The following FOXP2 variants were observed in gnomAD, a reference collection of about 807,000 sequenced individuals.
FOXP2 encodes the protein forkhead box P2.
In FOXP2, 12 loss-of-function variants were observed where a neutral mutation model predicts 115.8. The observed-to-expected ratio is 0.10, with a 90% CI of 0.07 to 0.17. FOXP2 has a LOEUF of 0.17. FOXP2 is among the 10% of genes least tolerant of loss of function. The pLI is 1.00. For missense variants in FOXP2, 629 were observed against 843.5 expected (o/e 0.75, Z 3.15); for synonymous variants, 328 against 297.7 (o/e 1.10, Z -1.05).
chr7:114,178,428 T>C (rs1182647461), intron 1 of FOXP2, among the ~76,000 whole-genome samples: 1 of 151,988 alleles, frequency 6.6e-6, no homozygotes, highest in African/African-American at 2.4e-5. Context: ...AAAGTTTATG[T>C]AATTAAATTA....
intron 3 of FOXP2, among the ~76,000 whole-genome samples, chr7:114,609,029 T>C (rs999993327): frequency 5.9e-5 from 9 of 151,650 alleles, no homozygotes; most frequent in African/African-American, 1.9e-4. Flanking sequence ...CGAAACCCCG[T>C]CTCTACTAAA....
chr7:114,149,200 G>A (rs1048081435), intron 1 of FOXP2, among the ~76,000 whole-genome samples: 6 of 151,944 alleles, frequency 3.9e-5, no homozygotes, highest in Non-Finnish European at 5.9e-5. Context: ...TGGAAAAAGT[G>A]TTCAATTTTT....
intron 2 of FOXP2, among the ~76,000 whole-genome samples, chr7:114,479,897 T>C (rs1796448829): frequency 6.6e-6 from 1 of 151,476 alleles, no homozygotes; most frequent in African/African-American, 2.4e-5. Flanking sequence ...AGTGCTTATT[T>C]TTCAGCCATT....
chr7:114,253,325 G>A (rs1391962733), intron 1 of FOXP2, among the ~76,000 whole-genome samples: 1 of 152,098 alleles, frequency 6.6e-6, no homozygotes, highest in Non-Finnish European at 1.5e-5. Flanking sequence ...GTGCAGAGCT[G>A]AGTTCAATTC....
intron 2 of FOXP2, among the ~76,000 whole-genome samples, chr7:114,497,404 T>C (rs1373544936): frequency 2.0e-5 from 3 of 152,166 alleles, no homozygotes; most frequent in African/African-American, 7.2e-5. Flanking sequence ...TCTGAGCACT[T>C]TGAGAGGCCG....
intron 16 of FOXP2, among the ~76,000 whole-genome samples, chr7:114,683,408 A>AGT (rs1467955875): frequency 2.6e-5 from 4 of 152,176 alleles, no homozygotes; most frequent in Non-Finnish European, 5.9e-5. Flanking sequence ...TCTAGAGGCC[A>AGT]GTGTGTGTGT....
At chr7:114,356,796 G>A (rs1462320426) in intron 2 of FOXP2, among the ~76,000 whole-genome samples, 1 of 152,150 alleles carries the variant, frequency 6.6e-6, no homozygotes, top group Admixed American at 6.6e-5. Context: ...GGCTTTTGTA[G>A]ATGTAGATAT....
intron 6 of FOXP2, among the ~76,000 whole-genome samples, chr7:114,638,059 C>A (rs983684238): frequency 2.0e-5 from 3 of 151,954 alleles, no homozygotes; most frequent in African/African-American, 7.3e-5. Context: ...AGGGAGGGGG[C>A]TGTATAAACA....
chr7:114,217,643 A>T (rs570856782), intron 1 of FOXP2, among the ~76,000 whole-genome samples: 15 of 152,330 alleles, frequency 9.8e-5, no homozygotes, highest in Admixed American at 9.8e-4. Flanking sequence ...ATCTGGTGTA[A>T]CTGTACCATA....
chr7:114,289,395 G>T (rs903930693), intron 2 of FOXP2, among the ~76,000 whole-genome samples: 3 of 151,870 alleles, frequency 2.0e-5, no homozygotes, highest in African/African-American at 7.2e-5. Context: ...AACAATTAGA[G>T]ATAGAACACA....
At chr7:114,290,266 C>T (rs1233410385) in intron 2 of FOXP2, among the ~76,000 whole-genome samples, 1 of 151,806 alleles carries the variant, frequency 6.6e-6, no homozygotes, top group East Asian at 1.9e-4. Flanking sequence ...AAATAACCTG[C>T]CCTACATAAT....
chr7:114,639,899 C>A (rs193263495), intron 6 of FOXP2, among the ~76,000 whole-genome samples: 2 of 152,124 alleles, frequency 1.3e-5, no homozygotes, highest in Admixed American at 1.3e-4. Flanking sequence ...TAAGTATTCT[C>A]GAAAGCCTTT....
At chr7:114,473,061 A>G (rs988897187) in intron 2 of FOXP2, among the ~76,000 whole-genome samples, 4 of 152,200 alleles carry the variant, frequency 2.6e-5, no homozygotes, top group Non-Finnish European at 4.4e-5. Flanking sequence ...AGATCAGGAT[A>G]TCTAAGCTTG....
chr7:114,524,096 T>C (rs1177476279), intron 2 of FOXP2, among the ~76,000 whole-genome samples: 1 of 152,182 alleles, frequency 6.6e-6, no homozygotes, highest in Non-Finnish European at 1.5e-5. Context: ...ATAGTACATA[T>C]TGTTTAATGC....
At chr7:114,090,136 C>T (rs964186560) in intron 1 of FOXP2, among the ~76,000 whole-genome samples, 1 of 151,822 alleles carries the variant, frequency 6.6e-6, no homozygotes, top group Non-Finnish European at 1.5e-5. Context: ...TGATGAACGT[C>T]ATGTATTTTC....
intron 6 of FOXP2, among the ~76,000 whole-genome samples, chr7:114,637,555 T>C (rs1427075016): frequency 6.6e-6 from 1 of 152,164 alleles, no homozygotes; most frequent in Admixed American, 6.6e-5. Context: ...TTCTTTGAGC[T>C]TTCTGTGACT....
chr7:114,442,017 G>A (rs1302041413), intron 2 of FOXP2, among the ~76,000 whole-genome samples: 1 of 152,064 alleles, frequency 6.6e-6, no homozygotes, highest in African/African-American at 2.4e-5. Context: ...TATGCAAGAG[G>A]AATGGAAACA....
chr7:114,485,012 T>A (rs1404920420), intron 2 of FOXP2, among the ~76,000 whole-genome samples: 1 of 151,878 alleles, frequency 6.6e-6, no homozygotes, highest in Non-Finnish European at 1.5e-5. Context: ...CTTGAAAAAA[T>A]CTGTTTGAAA....
At chr7:114,604,907 G>A (rs1803229830) in intron 3 of FOXP2, among the ~76,000 whole-genome samples, 1 of 152,124 alleles carries the variant, frequency 6.6e-6, no homozygotes, top group African/African-American at 2.4e-5. Flanking sequence ...TTTAAATTCA[G>A]TTCCAGTCCC....
Sources: gnomAD v4.1 joint callset for allele counts (sites outside exome capture counted in the v4.1 genomes callset) on GRCh38, gnomAD v4.1.1 for gene constraint, MANE v1.5 for transcripts, NCBI Gene and HGNC (gene_info 2026-07-23, HGNC 2026-07-21) for gene names.